ZFR2: variants seen among roughly 807,000 people sequenced by gnomAD.
ZFR2 encodes zinc finger RNA binding protein 2, also known as zinc finger RNA-binding protein 2.
In ZFR2, 104 loss-of-function variants were observed where a neutral mutation model predicts 105.7. That is an observed-to-expected ratio of 0.98 (90% CI 0.84 to 1.16). The LOEUF (loss-of-function observed/expected upper bound fraction) is 1.16, where lower values mean the gene tolerates loss of function less well. ZFR2 is among the 50% of genes most tolerant of loss of function. ZFR2 has a pLI of 0.00. For missense variants in ZFR2, 1,425 were observed against 1,355.5 expected (o/e 1.05, Z -0.80); for synonymous variants, 634 against 597.7 (o/e 1.06, Z -0.89).
At position 3,807,209 on chromosome 19, in the gene ZFR2, G is replaced by T; in HGVS notation, c.2606C>A (p.Thr869Asn). Reference protein sequence around the residue: ...RDQTDALEPMTLQEREDVTAS... With the variant: ...RDQTDALEPMNLQEREDVTAS... ...GGTCACGTCTTCCCGCTCTTGGAGG[G>T]TCATGGGCTCGAGGGCATCTGTCTG... The change falls in exon 18 of 19, where the codon ACC (threonine) becomes AAC (asparagine). Residue 869 changes from threonine (T) to asparagine (N), a missense_variant. Coordinates refer to ENST00000262961, the MANE Select transcript of ZFR2 (RefSeq NM_015174.2). The T allele has an allele frequency of 6.4e-7, 1 of 1,559,750 alleles. No individual in the cohort carries two copies. The highest frequency in any genetic ancestry group is 8.7e-7 in the Non-Finnish European group (1 of 1,151,230).
At chr19:3,850,900 C>CAAAAAA (rs59933286) in intron 1 of ZFR2, among the ~76,000 whole-genome samples, 3 of 92,500 alleles carry the variant, frequency 3.2e-5, no homozygotes, top group Non-Finnish European at 6.1e-5. Context: ...GCAGTCTTTT[C>CAAAAAA]AAAAAAAAAA....
At chr19:3,846,010 T>A (rs916018715) in intron 1 of ZFR2, among the ~76,000 whole-genome samples, 8 of 152,228 alleles carry the variant, frequency 5.3e-5, no homozygotes, top group African/African-American at 1.9e-4. Flanking sequence ...GGAGTCTTGC[T>A]CTGTCGCCAA....
At chr19:3,861,809 C>G (rs2038377039) in intron 1 of ZFR2, among the ~76,000 whole-genome samples, 2 of 152,018 alleles carry the variant, frequency 1.3e-5, no homozygotes, top group Admixed American at 1.3e-4. Flanking sequence ...GCCTGTAGTC[C>G]CAGCTGCTAG....
At chr19:3,827,344 G>A in intron 6 of ZFR2, 127 bp downstream of exon 6, 3 of 1,186,108 alleles carry the variant, frequency 2.5e-6, no homozygotes, top group Non-Finnish European at 3.3e-6. Flanking sequence ...GGCCCTTGGG[G>A]CGCGCTCCAC....
At chr19:3,811,145 G>T in intron 15 of ZFR2, 127 bp downstream of exon 15, 1 of 933,666 alleles carries the variant, frequency 1.1e-6, no homozygotes, top group South Asian at 1.8e-5. Context: ...GGAAGCTGAT[G>T]GCAGGCGTCC....
At position 3,823,243 on chromosome 19, in the gene ZFR2, T is replaced by TA; in HGVS notation, c.1371+2dup. ...GCACCAGGACTTGACAGCCTCGACT[T>TA]ACCTCCTCCACATATTCCGGGCCCA... is the stretch of plus-strand genomic sequence containing the variant. On this transcript the variant is annotated splice_region_variant and intron_variant, in intron 8 of 18. Transcript: ENST00000262961. This position sits in a 1 kb window ranked among gnomAD's most constrained non-coding sequence, Gnocchi z 5.4. The TA allele has an allele frequency of 6.2e-7, 1 of 1,613,848 alleles. No individual in the cohort carries two copies. Among genetic ancestry groups the TA allele is most frequent in the Non-Finnish European group, 8.5e-7 (1 of 1,179,844 alleles).
At chr19:3,810,403 AC>A (rs2037748822) in intron 16 of ZFR2, among the ~76,000 whole-genome samples, 1 of 152,144 alleles carries the variant, frequency 6.6e-6, no homozygotes, top group Non-Finnish European at 1.5e-5. Context: ...GGGCTGGGTC[AC>A]CCAGAGGCCG....
intron 16 of ZFR2, 120 bp from the exon 17 acceptor site, chr19:3,809,103 A>G (rs989195549): frequency 4.4e-6 from 3 of 677,258 alleles, no homozygotes; most frequent in Non-Finnish European, 6.8e-6. Context: ...AACTCCCACC[A>G]CCCACTGAAC....
chr19:3,861,712 G>A (rs1413864182), intron 1 of ZFR2, among the ~76,000 whole-genome samples: 2 of 152,180 alleles, frequency 1.3e-5, no homozygotes, highest in Non-Finnish European at 2.9e-5. Context: ...GATCACCTGA[G>A]ATCAGGGGTT....
At chr19:3,807,988 CGT>C (rs780068868) in intron 17 of ZFR2, among the ~76,000 whole-genome samples, 4 of 146,180 alleles carry the variant, frequency 2.7e-5, no homozygotes, top group East Asian at 4.1e-4. Flanking sequence ...CTTGTGTGCC[CGT>C]GTGTGCAGGT....
chr19:3,851,118 G>A (rs989706999), intron 1 of ZFR2, among the ~76,000 whole-genome samples: 1 of 152,032 alleles, frequency 6.6e-6, no homozygotes, highest in African/African-American at 2.4e-5. Flanking sequence ...TGTTAGGGAA[G>A]CCCCAGCCGA....
At chr19:3,819,499 C>A (rs1224224032) in intron 11 of ZFR2, among the ~76,000 whole-genome samples, 2 of 152,236 alleles carry the variant, frequency 1.3e-5, no homozygotes, top group Non-Finnish European at 2.9e-5. Flanking sequence ...TCTTAAATTT[C>A]CAGACCAGAG....
At chr19:3,830,995 G>GCA (rs1282413855) in intron 5 of ZFR2, among the ~76,000 whole-genome samples, 1 of 150,800 alleles carries the variant, frequency 6.6e-6, no homozygotes, top group South Asian at 2.1e-4. Context: ...ACACACGCTT[G>GCA]CACACACAGG....
At chr19:3,841,375 T>G (rs901625661) in intron 1 of ZFR2, among the ~76,000 whole-genome samples, 3 of 152,190 alleles carry the variant, frequency 2.0e-5, no homozygotes, top group Non-Finnish European at 4.4e-5. Flanking sequence ...CAAAGCATGG[T>G]TCTGGCAACT....
intron 3 of ZFR2, 92 bp downstream of exon 3, chr19:3,833,572 T>A (rs1338798009): frequency 1.1e-6 from 1 of 922,444 alleles, no homozygotes; most frequent in Admixed American, 3.3e-5. Context: ...CGAGACTCTG[T>A]CTAAAAAAAA....
At chr19:3,849,454 C>G (rs1323957467) in intron 1 of ZFR2, among the ~76,000 whole-genome samples, 4 of 152,046 alleles carry the variant, frequency 2.6e-5, no homozygotes, top group South Asian at 2.1e-4. Context: ...ACATTGTTCT[C>G]TGGGGTGGGG....
chr19:3,809,072 G>T, intron 16 of ZFR2, 89 bp from the exon 17 acceptor site: 1 of 951,140 alleles, frequency 1.1e-6, no homozygotes, highest in Non-Finnish European at 1.5e-6. Flanking sequence ...GGGACAGGAG[G>T]CCCCCCTCAG....
At chr19:3,818,700 C>T (rs150512518) in intron 12 of ZFR2, among the ~76,000 whole-genome samples, 9 of 152,314 alleles carry the variant, frequency 5.9e-5, no homozygotes, top group East Asian at 5.8e-4. Context: ...CGGAGAAGTC[C>T]GTCAGAATCA....
chr19:3,816,810 A>C lies in ZFR2; in HGVS notation c.1967T>G (p.Val656Gly). ...TTTCGCCAGGATGCCTACTCGCATG[A>C]CGCCTTTCAGGACCCGAGTCTGGGG... ...VAPQTRVLKG[V>G]MRVGILAKGL... Residue 656 changes from valine (V) to glycine (G), a missense_variant, in exon 13 of 19, where the codon GTC becomes GGC. By Grantham distance (109) the Val-to-Gly change is moderately radical (BLOSUM62 -3). Coordinates refer to ENST00000262961, the MANE Select transcript of ZFR2 (RefSeq NM_015174.2). 1 of 1,584,212 alleles carries C rather than the reference A, an allele frequency of 6.3e-7. No individual in the cohort carries two copies. Among genetic ancestry groups the C allele is most frequent in the Non-Finnish European group, 8.6e-7 (1 of 1,166,596 alleles).
Sources: allele counts gnomAD v4.1 joint callset (sites outside exome capture counted in the v4.1 genomes callset), GRCh38; gene constraint gnomAD v4.1.1; non-coding constraint Gnocchi (gnomAD v3.1); transcripts MANE v1.5; gene names NCBI Gene and HGNC (gene_info 2026-07-23, HGNC 2026-07-21).